The following EPC1 variants were observed in gnomAD, a reference collection of about 807,000 sequenced individuals.
The protein encoded by EPC1 is enhancer of polycomb homolog 1.
Under a neutral mutation model 98.4 loss-of-function variants are expected in EPC1, and 12 were observed. The observed-to-expected ratio is 0.12, with a 90% CI of 0.08 to 0.20. EPC1 has a LOEUF of 0.20. Among genes scored for constraint, EPC1 ranks in the 10% least tolerant of loss-of-function variants. The probability of loss-of-function intolerance (pLI) is 1.00; values close to 1 mark genes in which losing one functional copy is unlikely to be tolerated. For synonymous variants in EPC1, 357 were observed against 363.9 expected, an observed-to-expected ratio of 0.98 and a Z score of 0.21; for missense variants, 729 against 990.5, an observed-to-expected ratio of 0.74 and a Z score of 3.54.
chr10:32,268,117 A>G lies in EPC1; in HGVS notation c.*946T>C, dbSNP rs1421553882. ...AACAAGTAAAGAATGAAGTCTTTTA[A>G]ACAATTCGACAATAAAAAAGTACAA... is the stretch of plus-strand genomic sequence containing the variant. On this transcript the variant is annotated 3_prime_UTR_variant, in exon 14 of 14. Transcript: ENST00000319778. The G allele has an allele frequency of 6.6e-6, 1 of 152,218 alleles. No homozygotes were observed. Among genetic ancestry groups the G allele is most frequent in the Non-Finnish European group, 1.5e-5 (1 of 68,026 alleles). 9.4% of individuals were successfully genotyped at this position (152,218 alleles called of 1,614,324 possible). A position where few individuals can be genotyped will look rare whatever the true frequency, so the allele number is the denominator to read the frequency against.
upstream of EPC1, chr10:32,347,271 T>G: frequency 9.5e-7 from 1 of 1,049,226 alleles, no homozygotes; most frequent in Non-Finnish European, 1.2e-6. Context: ...GAAGCGCGCG[T>G]CCCGCCAACC....
intron 1 of EPC1, among the ~76,000 whole-genome samples, chr10:32,362,097 C>T (rs909871746): frequency 4.6e-5 from 7 of 152,116 alleles, no homozygotes; most frequent in African/African-American, 1.2e-4. Flanking sequence ...CAGCAGCCCT[C>T]GGGGCTGCTC....
intron 1 of EPC1, among the ~76,000 whole-genome samples, chr10:32,314,584 T>C (rs1048311276): frequency 2.0e-5 from 3 of 152,212 alleles, no homozygotes; most frequent in African/African-American, 7.2e-5. Context: ...TGCTCCCTTT[T>C]CTCTTTATTA....
At chr10:32,367,814 C>T (rs754184892) in intron 1 of EPC1, among the ~76,000 whole-genome samples, 3 of 152,206 alleles carry the variant, frequency 2.0e-5, no homozygotes, top group Non-Finnish European at 4.4e-5. Flanking sequence ...CTGCTGTTAG[C>T]CAGCCTAACA....
At position 32,364,174 on chromosome 10, in the gene EPC1, C is replaced by T. The variant is rs140460576; in HGVS notation, c.3+14317G>A. 5.1e-3 allele frequency among the ~76,000 whole-genome samples: 767 copies of T among 151,084 alleles called. 5 individuals carry two copies. The highest frequency in any genetic ancestry group is 9.1e-3 in the Non-Finnish European group (616 of 67,660). On this transcript the variant is annotated intron_variant, in intron 1 of 13. Coordinates refer to the EPC1 transcript ENST00000375110. The stretch of plus-strand genomic sequence containing the variant: ...GGATTACAGGTGCCCACCACCACAC[C>T]GGCTAATTTTTGTATTTTTAGTAGA...
At chr10:32,287,649 T>A (rs539112455) in intron 6 of EPC1, among the ~76,000 whole-genome samples, 62 of 152,264 alleles carry the variant, frequency 4.1e-4, no homozygotes, top group African/African-American at 1.5e-3. Flanking sequence ...GATTGTCTAA[T>A]CCTTATTCTC....
chr10:32,363,556 C>T (rs903404330), intron 1 of EPC1, among the ~76,000 whole-genome samples: 1 of 152,142 alleles, frequency 6.6e-6, no homozygotes, highest in African/African-American at 2.4e-5. Flanking sequence ...AAAACCTAGA[C>T]CTTTAAAAGA....
At chr10:32,316,759 T>C (rs1417345597) in intron 1 of EPC1, among the ~76,000 whole-genome samples, 1 of 152,200 alleles carries the variant, frequency 6.6e-6, no homozygotes, top group East Asian at 1.9e-4. Context: ...TGACAAAATT[T>C]AGCCAATATC....
intron 2 of EPC1, among the ~76,000 whole-genome samples, chr10:32,298,061 G>T (rs2505377): frequency 0.96 from 145,834 of 152,186 alleles, 70,157 homozygotes; most frequent in East Asian, 1. Flanking sequence ...CCTCCCAAAG[G>T]GCTGGGATTA....
Position 32,287,031 on chromosome 10 carries a change from A to C in EPC1, c.1153-16T>G, listed in dbSNP as rs1400932318. ...CAGACAAAACCTTTAAATGAAATAAAGAAAGTAGGTCAGATACGTGACTTC... is the reference window on the plus strand; with the variant it reads ...CAGACAAAACCTTTAAATGAAATAACGAAAGTAGGTCAGATACGTGACTTC... On this transcript the variant is annotated splice_polypyrimidine_tract_variant and intron_variant, in intron 7 of 13. Coordinates refer to ENST00000319778, the MANE Select transcript of EPC1 (RefSeq NM_001272004.3). 1 of 1,613,756 alleles carries C rather than the reference A, an allele frequency of 6.2e-7. No individual in the cohort carries two copies. The highest frequency in any genetic ancestry group is 8.5e-7 in the Non-Finnish European group (1 of 1,179,922).
At chr10:32,289,814 CAG>C (rs1836896996) in intron 6 of EPC1, among the ~76,000 whole-genome samples, 1 of 151,910 alleles carries the variant, frequency 6.6e-6, no homozygotes, top group African/African-American at 2.4e-5. Context: ...TTAGTAGAAA[CAG>C]GGTTTCACCG....
chr10:32,365,819 C>CAAAA (rs55769539), intron 1 of EPC1, among the ~76,000 whole-genome samples: 5 of 38,432 alleles, frequency 1.3e-4, no homozygotes, highest in African/African-American at 5.4e-4. Context: ...CTCCGTCTCA[C>CAAAA]AAAAAAAAAA....
chr10:32,307,714 C>T (rs1371091938), intron 1 of EPC1, among the ~76,000 whole-genome samples: 1 of 152,166 alleles, frequency 6.6e-6, no homozygotes, highest in Non-Finnish European at 1.5e-5. Flanking sequence ...GCCCTGAATG[C>T]CCACTGACAC....
chr10:32,281,574 C>T (rs538297513), intron 10 of EPC1: 2 of 152,320 alleles, frequency 1.3e-5, no homozygotes, highest in East Asian at 1.9e-4. Flanking sequence ...AGAGGACCAA[C>T]ACATTCAACT....
At chr10:32,350,353 A>G (rs1323805164), upstream of EPC1, among the ~76,000 whole-genome samples, 1 of 152,224 alleles carries the variant, frequency 6.6e-6, no homozygotes, top group East Asian at 1.9e-4. Flanking sequence ...TGGCTATGGG[A>G]GTTCAGAAAA....
At chr10:32,284,441 A>C (rs987770179) in intron 10 of EPC1, 2 of 336,236 alleles carry the variant, frequency 5.9e-6, no homozygotes, top group South Asian at 2.0e-4. Context: ...TTCACGGACT[A>C]TATCCAGGAA....
At chr10:32,349,526 G>A (rs1839049969), upstream of EPC1, among the ~76,000 whole-genome samples, 2 of 152,122 alleles carry the variant, frequency 1.3e-5, no homozygotes, top group Admixed American at 1.3e-4. Context: ...GTCCTTCTGG[G>A]TTCCCAAGGA....
intron 1 of EPC1, among the ~76,000 whole-genome samples, chr10:32,319,522 G>A (rs1421866537): frequency 1.3e-5 from 2 of 152,048 alleles, no homozygotes; most frequent in Non-Finnish European, 2.9e-5. Context: ...ATGGGGACAC[G>A]ATATCCCTTA....
At chr10:32,324,941 A>C (rs1837184159) in intron 1 of EPC1, among the ~76,000 whole-genome samples, 1 of 152,222 alleles carries the variant, frequency 6.6e-6, no homozygotes, top group South Asian at 2.1e-4. Flanking sequence ...CTGACGTTGC[A>C]GTGAGCAGAG....
Sources: gnomAD v4.1 joint callset for allele counts (sites outside exome capture counted in the v4.1 genomes callset) on GRCh38, gnomAD v4.1.1 for gene constraint, MANE v1.5 for transcripts, NCBI Gene and HGNC (gene_info 2026-07-23, HGNC 2026-07-21) for gene names.